The following CNTN6 variants were observed in gnomAD, a reference collection of about 807,000 sequenced individuals.
CNTN6 encodes the protein contactin 6.
In CNTN6, 137 loss-of-function variants were observed where a neutral mutation model predicts 122.8. The ratio of observed to expected loss-of-function variants is 1.12; its 90% CI spans 0.97 to 1.29. CNTN6 has a LOEUF of 1.29. CNTN6 is among the 50% of genes most tolerant of loss of function. The pLI is 0.00. For missense variants in CNTN6, 1,634 were observed against 1,223.4 expected (o/e 1.34, Z -5.01); for synonymous variants, 570 against 426.0 (o/e 1.34, Z -4.16).
At chr3:1,108,095 A>T (rs2091310496) in intron 1 of CNTN6, among the ~76,000 whole-genome samples, 1 of 152,094 alleles carries the variant, frequency 6.6e-6, no homozygotes, top group Non-Finnish European at 1.5e-5. Flanking sequence ...TATTTCTAAT[A>T]AAAAAATTTA....
At chr3:1,371,321 A>G (rs1708980939) in intron 12 of CNTN6, among the ~76,000 whole-genome samples, 1 of 151,978 alleles carries the variant, frequency 6.6e-6, no homozygotes, top group South Asian at 2.1e-4. Flanking sequence ...TCATTTCACT[A>G]TTTTTAAACT....
rs190606462 is a variant in CNTN6, at chr3:1,310,765, G to T, written c.762-10885G>T. On this transcript the variant is annotated intron_variant, in intron 7 of 22. Coordinates refer to ENST00000446702, the MANE Select transcript of CNTN6 (RefSeq NM_001289080.2). ...GCCTGTAATCCCAGGACTTTGGGAG[G>T]CTGAGGCGGGCAGATCGCCTGAGGT... Among the ~76,000 whole-genome samples the T allele has an allele frequency of 2.1e-3, 319 of 152,290 alleles. 1 individual carries two copies. The highest frequency in any genetic ancestry group is 6.9e-3 in the African/African-American group (288 of 41,564).
At chr3:1,355,730 C>T (rs3772284) in intron 12 of CNTN6, among the ~76,000 whole-genome samples, 73,681 of 151,470 alleles carry the variant, frequency 0.49, 20,319 homozygotes, top group African/African-American at 0.74. Context: ...AATGAGAAAT[C>T]TCAGTAAAGC....
rs557298878 is a variant in CNTN6 at position 1,383,702 on chromosome 3, T to C, written c.2517+294T>C. On this transcript the variant is annotated intron_variant, in intron 19 of 22. Transcript: ENST00000446702. ...CTTTATTGAGGCAGCAGTGTTACAG[T>C]TTTGAAATTGCTTCTGCAGAGCAGG... is the stretch of plus-strand genomic sequence containing the variant. Among the ~76,000 whole-genome samples, 33 of 152,140 alleles carry C rather than the reference T, an allele frequency of 2.2e-4. No homozygotes were observed. The Middle Eastern group carries it at 0.01, about 47-fold the overall frequency.
chr3:1,236,414 C>G (rs370976461), intron 4 of CNTN6, among the ~76,000 whole-genome samples: 2 of 152,142 alleles, frequency 1.3e-5, no homozygotes, highest in African/African-American at 4.8e-5. Context: ...TTACAGGACT[C>G]TGCAGACACT....
intron 1 of CNTN6, among the ~76,000 whole-genome samples, chr3:1,115,477 C>A (rs1003544458): frequency 6.6e-6 from 1 of 152,252 alleles, no homozygotes; most frequent in Middle Eastern, 3.4e-3. Context: ...GGGCCGGGTA[C>A]GGTGGCTCAT....
chr3:1,297,709 C>T (rs1696505459), intron 6 of CNTN6, among the ~76,000 whole-genome samples, 180 bp from the exon 7 acceptor site: 1 of 150,344 alleles, frequency 6.7e-6, no homozygotes, highest in African/African-American at 2.4e-5. Flanking sequence ...GTGGATGTCA[C>T]TAGAAAAGTG....
chr3:1,118,136 G>C (rs2091803686), intron 1 of CNTN6, among the ~76,000 whole-genome samples: 1 of 152,176 alleles, frequency 6.6e-6, no homozygotes, highest in Non-Finnish European at 1.5e-5. Context: ...CTCTGCTGCG[G>C]TGGTTGTTAA....
At chr3:1,385,556 T>C (rs1692750951) in intron 19 of CNTN6, 55 bp from the exon 20 acceptor site, 3 of 1,396,680 alleles carry the variant, frequency 2.1e-6, no homozygotes, top group Non-Finnish European at 2.9e-6. Flanking sequence ...TGGTAAAAAA[T>C]GATTGATAGT....
chr3:1,337,933 TC>T (rs1703303782), intron 11 of CNTN6, among the ~76,000 whole-genome samples: 1 of 152,034 alleles, frequency 6.6e-6, no homozygotes, highest in African/African-American at 2.4e-5. Context: ...CCTCCACTGA[TC>T]TGGGGCACTC....
At chr3:1,130,489 C>T (rs1355288634) in intron 1 of CNTN6, among the ~76,000 whole-genome samples, 1 of 152,016 alleles carries the variant, frequency 6.6e-6, no homozygotes, top group Non-Finnish European at 1.5e-5. Context: ...AAATAAATAC[C>T]CATCTTTCTA....
chr3:1,186,791 C>T (rs978674587), intron 2 of CNTN6, among the ~76,000 whole-genome samples: 1 of 151,066 alleles, frequency 6.6e-6, no homozygotes. Context: ...TTTCTGAAGT[C>T]GCTTGGTCCC....
chr3:1,158,879 CATATAT>C (rs1210973817), intron 2 of CNTN6, among the ~76,000 whole-genome samples: 8 of 80,440 alleles, frequency 9.9e-5, no homozygotes, highest in African/African-American at 4.5e-4. Flanking sequence ...TATATATACA[CATATAT>C]ACACACATAT....
chr3:1,385,574 G>T (rs375565532), intron 19 of CNTN6, 37 bp from the exon 20 acceptor site: 5 of 1,505,024 alleles, frequency 3.3e-6, no homozygotes, highest in Non-Finnish European at 4.5e-6. Flanking sequence ...AGTTATTGGG[G>T]AACAATAAAT....
At chr3:1,310,556 G>C (rs1470198303) in intron 7 of CNTN6, among the ~76,000 whole-genome samples, 1 of 152,150 alleles carries the variant, frequency 6.6e-6, no homozygotes, top group East Asian at 1.9e-4. Context: ...ATTAATGAAA[G>C]ATACTGGTCT....
At chr3:1,296,060 C>G (rs889848089) in intron 6 of CNTN6, among the ~76,000 whole-genome samples, 2 of 152,132 alleles carry the variant, frequency 1.3e-5, no homozygotes, top group African/African-American at 4.8e-5. Flanking sequence ...TGCTTAAAGA[C>G]TGTTTTGTAA....
intron 5 of CNTN6, among the ~76,000 whole-genome samples, chr3:1,289,767 C>A (rs534705054): frequency 2.0e-5 from 3 of 151,490 alleles, no homozygotes; most frequent in Non-Finnish European, 4.4e-5. Flanking sequence ...CTCCAACTCC[C>A]GGGTTCCCGC....
chr3:1,254,043 T>A (rs2094713863), intron 4 of CNTN6, among the ~76,000 whole-genome samples: 1 of 152,188 alleles, frequency 6.6e-6, no homozygotes, highest in Non-Finnish European at 1.5e-5. Context: ...TTTTAAGTTA[T>A]AAAAAATTTC....
intron 12 of CNTN6, among the ~76,000 whole-genome samples, chr3:1,366,172 G>C (rs1018496486): frequency 6.6e-6 from 1 of 152,130 alleles, no homozygotes; most frequent in African/African-American, 2.4e-5. Context: ...AAAACCACTA[G>C]ATCAGACTTC....
Sources: gnomAD v4.1 joint callset for allele counts (sites outside exome capture counted in the v4.1 genomes callset) on GRCh38, gnomAD v4.1.1 for gene constraint, MANE v1.5 for transcripts, NCBI Gene and HGNC (gene_info 2026-07-23, HGNC 2026-07-21) for gene names.